GSAP: variants seen among roughly 807,000 people sequenced by gnomAD.
GSAP encodes gamma-secretase-activating protein.
In GSAP, 118 loss-of-function variants were observed where a neutral mutation model predicts 131.7. The observed-to-expected ratio is 0.90, with a 90% CI of 0.77 to 1.04. The LOEUF (loss-of-function observed/expected upper bound fraction) is 1.04. GSAP is among the 50% of genes least tolerant of loss of function. GSAP has a pLI of 0.00. For synonymous variants in GSAP, 381 were observed against 363.4 expected (o/e 1.05, Z -0.55); for missense variants, 1,019 against 1,013.2 (o/e 1.01, Z -0.08).
intron 12 of GSAP, among the ~76,000 whole-genome samples, chr7:77,363,189 T>C (rs779511390): frequency 3.3e-5 from 5 of 152,242 alleles, no homozygotes; most frequent in Admixed American, 6.5e-5. Flanking sequence ...ACTGAAGGCA[T>C]TGGCCCAAGG....
intron 12 of GSAP, among the ~76,000 whole-genome samples, chr7:77,363,319 C>T (rs553423794): frequency 6.6e-6 from 1 of 152,308 alleles, no homozygotes; most frequent in South Asian, 2.1e-4. Flanking sequence ...TGAAACTGTA[C>T]ATTATCTCTA....
At chr7:77,318,487 A>C (rs1787176318) in intron 26 of GSAP, among the ~76,000 whole-genome samples, 1 of 152,238 alleles carries the variant, frequency 6.6e-6, no homozygotes, top group African/African-American at 2.4e-5. Context: ...GTAACTAAAT[A>C]TCAGCTGATA....
intron 12 of GSAP, among the ~76,000 whole-genome samples, chr7:77,368,243 T>A (rs1795598775): frequency 6.6e-6 from 1 of 152,158 alleles, no homozygotes; most frequent in African/African-American, 2.4e-5. Flanking sequence ...GTTTCCTGGA[T>A]TAGTCCCAAT....
intron 7 of GSAP, among the ~76,000 whole-genome samples, chr7:77,382,325 A>T (rs191980076): frequency 3.9e-5 from 6 of 152,264 alleles, no homozygotes; most frequent in Admixed American, 6.5e-5. Flanking sequence ...CATGGGACAA[A>T]ATTGCAGATC....
chr7:77,346,621 G>T (rs6977386), intron 19 of GSAP, among the ~76,000 whole-genome samples: 1 of 151,278 alleles, frequency 6.6e-6, no homozygotes, highest in East Asian at 2.0e-4. Context: ...GAAGCAAGAG[G>T]ACTGCTTGAG....
chr7:77,411,098 T>TAAAAAAAAAAAA (rs57255266), intron 1 of GSAP, among the ~76,000 whole-genome samples: 3 of 108,834 alleles, frequency 2.8e-5, no homozygotes, highest in African/African-American at 3.6e-5. Context: ...AAGAAAATAG[T>TAAAAAAAAAAAA]AAAAAAAAAA....
intron 12 of GSAP, among the ~76,000 whole-genome samples, chr7:77,367,511 A>C (rs1795497271): frequency 6.6e-6 from 1 of 152,158 alleles, no homozygotes; most frequent in Admixed American, 6.5e-5. Flanking sequence ...ACATTTATTG[A>C]ATTGCATATG....
chr7:77,375,500 C>T (rs1012251405), intron 10 of GSAP, among the ~76,000 whole-genome samples: 7 of 152,136 alleles, frequency 4.6e-5, no homozygotes, highest in African/African-American at 1.4e-4. Context: ...GGGGTAAGTG[C>T]AATTCTTGCA....
At chr7:77,365,898 G>GTTTT (rs35007328) in intron 12 of GSAP, among the ~76,000 whole-genome samples, 1 of 115,584 alleles carries the variant, frequency 8.7e-6, no homozygotes, top group East Asian at 2.7e-4. Flanking sequence ...GCAACTGTGG[G>GTTTT]TTTTTTTTTT....
Position 77,311,422 on chromosome 7 carries a change from T to C in GSAP, c.2501A>G (p.Asn834Ser), listed in dbSNP as rs1794335469. Residue 834 changes from asparagine (N) to serine (S), a missense_variant, in exon 31 of 31, where the codon AAT (asparagine) becomes AGT (serine). Transcript: ENST00000257626. ...QALYPFEGHD[N>S]VDAEFVEEAA... ...TTCCTCTACAAATTCTGCATCCACA[T>C]TGTCATGTCCTTCAAAAGGATACAG... 1.2e-6 allele frequency: 2 copies of C among 1,610,694 alleles called. No individual in the cohort carries two copies. Among genetic ancestry groups the C allele is most frequent in the Non-Finnish European group, 1.7e-6 (2 of 1,177,026 alleles).
intron 1 of GSAP, among the ~76,000 whole-genome samples, chr7:77,413,716 A>G (rs1348761328): frequency 3.3e-5 from 5 of 152,242 alleles, no homozygotes; most frequent in African/African-American, 1.2e-4. Context: ...GTTAAAATAT[A>G]AAAATGTAAA....
chr7:77,388,585 A>T (rs980693918), intron 5 of GSAP, among the ~76,000 whole-genome samples: 2 of 152,226 alleles, frequency 1.3e-5, no homozygotes, highest in Non-Finnish European at 2.9e-5. Context: ...ACCGTAGAAA[A>T]GAAGGACTGG....
intron 28 of GSAP, 72 bp from the exon 29 acceptor site, chr7:77,312,274 C>G: frequency 1.4e-6 from 1 of 716,718 alleles, no homozygotes; most frequent in South Asian, 1.9e-5. Flanking sequence ...TATATCTATT[C>G]ATAATTTTAA....
At chr7:77,405,928 C>G in intron 2 of GSAP, 101 bp downstream of exon 2, 2 of 415,278 alleles carry the variant, frequency 4.8e-6, no homozygotes, top group South Asian at 6.7e-5. Context: ...ATTCATTACC[C>G]TTCAATAAGA....
At chr7:77,395,615 A>G (rs1800245989) in intron 5 of GSAP, among the ~76,000 whole-genome samples, 1 of 152,086 alleles carries the variant, frequency 6.6e-6, no homozygotes, top group South Asian at 2.1e-4. Context: ...AGCAATACAA[A>G]TGATGAGATT....
At chr7:77,376,696 G>A (rs933691516) in intron 10 of GSAP, 152 bp downstream of exon 10, 26 of 507,974 alleles carry the variant, frequency 5.1e-5, no homozygotes, top group Non-Finnish European at 8.5e-5. Context: ...AGAATGGCGT[G>A]AACCCAGGAG....
At chr7:77,366,425 A>G (rs1445977395) in intron 12 of GSAP, among the ~76,000 whole-genome samples, 1 of 152,128 alleles carries the variant, frequency 6.6e-6, no homozygotes, top group Non-Finnish European at 1.5e-5. Context: ...TGTTGTAAGG[A>G]AGGGTTCCAG....
At position 77,416,326 on chromosome 7, in the gene GSAP, C is replaced by T; in HGVS notation, c.-5G>A. 6.8e-7 allele frequency: 1 copy of T among 1,479,554 alleles called. No individual in the cohort carries two copies. Among genetic ancestry groups the T allele is most frequent in the Non-Finnish European group, 9.0e-7 (1 of 1,113,402 alleles). 91.7% of individuals were successfully genotyped at this position (1,479,554 alleles called of 1,614,324 possible). On this transcript the variant is annotated 5_prime_UTR_variant, in exon 1 of 31. Transcript: ENST00000257626. ...GGCGACCAGGCGAAGAGCCATCGCCCGGACACGACCACCGGGCGGCTCTGG... is the reference window on the plus strand; with the variant it reads ...GGCGACCAGGCGAAGAGCCATCGCCTGGACACGACCACCGGGCGGCTCTGG...
intron 3 of GSAP, among the ~76,000 whole-genome samples, chr7:77,398,397 TCTAA>T (rs58215117): frequency 0.029 from 4,357 of 152,242 alleles, 198 homozygotes; most frequent in African/African-American, 0.098. Flanking sequence ...TGACTCTTGC[TCTAA>T]CTGAGGGATT....
Sources: gnomAD v4.1 joint callset for allele counts (sites outside exome capture counted in the v4.1 genomes callset) on GRCh38, gnomAD v4.1.1 for gene constraint, MANE v1.5 for transcripts, NCBI Gene and HGNC (gene_info 2026-07-23, HGNC 2026-07-21) for gene names.